Variants in DLGAP2 observed in about 807,000 individuals in gnomAD.
DLGAP2 encodes the protein disks large-associated protein 2.
A neutral mutation model predicts 100.3 loss-of-function variants in DLGAP2; 26 were observed. That is an observed-to-expected ratio of 0.26 (90% CI 0.19 to 0.36). The LOEUF (loss-of-function observed/expected upper bound fraction) is 0.36. Among genes scored for constraint, DLGAP2 ranks in the 10% least tolerant of loss-of-function variants. The pLI, the probability that DLGAP2 is intolerant of heterozygous loss-of-function variation, is 1.00. For missense variants in DLGAP2, 1,858 were observed against 1,453.2 expected (o/e 1.28, Z -4.53); for synonymous variants, 886 against 630.1 (o/e 1.41, Z -6.08).
At chr8:1,130,769 G>A (rs934614941) in intron 2 of DLGAP2, among the ~76,000 whole-genome samples, 1 of 152,216 alleles carries the variant, frequency 6.6e-6, no homozygotes, top group Non-Finnish European at 1.5e-5. Flanking sequence ...ATCTTTGCGG[G>A]AAAATGGAAG....
chr8:1,505,728 A>G lies in DLGAP2; in HGVS notation c.172+4297A>G, dbSNP rs76444130. On this transcript the variant is annotated intron_variant, in intron 4 of 14. Transcript: ENST00000637795. ...TTTCCAGAAGAAATGTTTCTAGGGA[A>G]GACCTTCAGACACACTAGAATTAAA... Among the ~76,000 whole-genome samples, 458 of 152,346 alleles carry G rather than the reference A, an allele frequency of 3.0e-3. 2 individuals carry two copies. Among genetic ancestry groups the G allele is most frequent in the Middle Eastern group, 0.01 (3 of 294 alleles).
At chr8:1,547,732 A>T (rs1016081484) in intron 4 of DLGAP2, among the ~76,000 whole-genome samples, 18 of 152,134 alleles carry the variant, frequency 1.2e-4, no homozygotes, top group African/African-American at 4.3e-4. Flanking sequence ...TCCTCCAGGC[A>T]TTCAGGGAAA....
chr8:1,662,068 G>A (rs994126278), intron 8 of DLGAP2, among the ~76,000 whole-genome samples: 2 of 152,206 alleles, frequency 1.3e-5, no homozygotes, highest in South Asian at 2.1e-4. Flanking sequence ...TGCCGCAAAG[G>A]GTCTTCCGCC....
chr8:996,140 C>G (rs1444172143), intron 2 of DLGAP2, among the ~76,000 whole-genome samples: 1 of 152,216 alleles, frequency 6.6e-6, no homozygotes, highest in African/African-American at 2.4e-5. Context: ...CCACTCCCCT[C>G]TGTTCCTCTC....
intron 2 of DLGAP2, among the ~76,000 whole-genome samples, chr8:954,459 C>T (rs1799551867): frequency 6.6e-6 from 1 of 152,248 alleles, no homozygotes; most frequent in African/African-American, 2.4e-5. Flanking sequence ...TTTGGAAACA[C>T]ATATAAATGT....
At chr8:1,007,959 G>A (rs539354335) in intron 2 of DLGAP2, among the ~76,000 whole-genome samples, 25 of 152,296 alleles carry the variant, frequency 1.6e-4, no homozygotes, top group Non-Finnish European at 2.6e-4. Context: ...GTGACAGGAC[G>A]CCCTCCATAA....
At position 1,707,681 on chromosome 8, in the gene DLGAP2, C is replaced by G. The variant is rs894587770; in HGVS notation, c.*6275C>G. ...CCTTCCATACTACAGACCAAAATACCCAGGTGTGGCCTAAGGACTATATTA... is the reference window on the plus strand; with the variant it reads ...CCTTCCATACTACAGACCAAAATACGCAGGTGTGGCCTAAGGACTATATTA... On this transcript the variant is annotated 3_prime_UTR_variant, in exon 15 of 15. Coordinates refer to ENST00000637795, the MANE Select transcript of DLGAP2 (RefSeq NM_001346810.2). 2 of 152,062 alleles carry G rather than the reference C, an allele frequency of 1.3e-5. No homozygotes were observed. Among genetic ancestry groups the G allele is most frequent in the African/African-American group, 4.8e-5 (2 of 41,386 alleles). 9.4% of individuals were successfully genotyped at this position (152,062 alleles called of 1,614,324 possible).
intron 2 of DLGAP2, among the ~76,000 whole-genome samples, chr8:1,087,549 C>T (rs1804015288): frequency 9.3e-6 from 1 of 107,476 alleles, no homozygotes. Flanking sequence ...CTTTCTCTCT[C>T]TCTCTTTTTT....
intron 2 of DLGAP2, among the ~76,000 whole-genome samples, chr8:1,233,902 A>C (rs1397389494): frequency 6.6e-6 from 1 of 152,196 alleles, no homozygotes; most frequent in Non-Finnish European, 1.5e-5. Context: ...TATGGAGGAT[A>C]ATAATTGTAA....
rs1443486763 is a variant in DLGAP2, at chr8:1,444,972, G to A, written c.107-56394G>A. ...TTTTTAGTAGAGACAGGGTTTCACCGTGTTAGCCAGGATGATCTTGATCTC... is the reference window on the plus strand; with the variant it reads ...TTTTTAGTAGAGACAGGGTTTCACCATGTTAGCCAGGATGATCTTGATCTC... On this transcript the variant is annotated intron_variant, in intron 3 of 14. Coordinates refer to ENST00000637795, the MANE Select transcript of DLGAP2 (RefSeq NM_001346810.2). Among the ~76,000 whole-genome samples the A allele has an allele frequency of 6.6e-5, 10 of 151,170 alleles. No homozygotes were observed. In the South Asian group the frequency reaches 8.4e-4, roughly 13 times the overall value.
chr8:1,258,356 G>T (rs1585200516), intron 2 of DLGAP2, among the ~76,000 whole-genome samples: 1 of 149,840 alleles, frequency 6.7e-6, no homozygotes. Flanking sequence ...AACACCACAT[G>T]ATCTCATTCG....
At chr8:1,693,963 C>G (rs1799316959) in intron 13 of DLGAP2, among the ~76,000 whole-genome samples, 1 of 152,134 alleles carries the variant, frequency 6.6e-6, no homozygotes, top group African/African-American at 2.4e-5. Context: ...ATTATGCAGA[C>G]TCGGGTGAGC....
rs1563158680 is a variant in DLGAP2, at chr8:1,039,528, C to CAGTGTGCGTGGTCAGCTT, written c.73+131562_73+131563insAGTGTGCGTGGTCAGCTT. ...GTCGGCTCGGTGTGCATGTTCAGCTCGGTGTGCGTGGTCAGCTTGGTGTGC... is the reference window on the plus strand; with the variant it reads ...GTCGGCTCGGTGTGCATGTTCAGCTCAGTGTGCGTGGTCAGCTTGGTGTGCGTGGTCAGCTTGGTGTGC... On this transcript the variant is annotated intron_variant, in intron 2 of 14. Transcript: ENST00000637795. 2.7e-4 allele frequency among the ~76,000 whole-genome samples: 32 copies of CAGTGTGCGTGGTCAGCTT among 118,530 alleles called. 3 individuals are homozygous for CAGTGTGCGTGGTCAGCTT. The highest frequency in any genetic ancestry group is 9.6e-4 in the African/African-American group (27 of 28,010). The allele number at this position is 118,530 out of a possible 152,430, so 77.8% of individuals were successfully genotyped here.
chr8:788,034 T>A (rs1821921389), intron 1 of DLGAP2, among the ~76,000 whole-genome samples: 1 of 151,674 alleles, frequency 6.6e-6, no homozygotes, highest in African/African-American at 2.4e-5. Context: ...GCCACAGGGG[T>A]CTGCCCTTGC....
chr8:1,255,006 C>CCCGGG (rs1563043336), intron 2 of DLGAP2, among the ~76,000 whole-genome samples: 22 of 98,264 alleles, frequency 2.2e-4, no homozygotes, highest in African/African-American at 1.0e-3. Context: ...TCTCATCCTG[C>CCCGGG]TTGGGCGCTG....
At chr8:1,366,987 C>A (rs1201496119) in intron 3 of DLGAP2, among the ~76,000 whole-genome samples, 1 of 151,030 alleles carries the variant, frequency 6.6e-6, no homozygotes, top group African/African-American at 2.4e-5. Flanking sequence ...GACCACAGAC[C>A]CCGGTAAATA....
intron 4 of DLGAP2, among the ~76,000 whole-genome samples, chr8:1,524,689 C>T (rs190497389): frequency 2.0e-5 from 3 of 152,290 alleles, no homozygotes; most frequent in Admixed American, 2.0e-4. Flanking sequence ...AAAAAACCTT[C>T]TCATTGCCTT....
chr8:1,310,452 G>T (rs1295366168), intron 3 of DLGAP2, among the ~76,000 whole-genome samples: 1 of 152,178 alleles, frequency 6.6e-6, no homozygotes, highest in East Asian at 1.9e-4. Flanking sequence ...ACTTTCAATA[G>T]TAAGCAGGAC....
intron 2 of DLGAP2, among the ~76,000 whole-genome samples, chr8:1,222,776 G>C (rs986756260): frequency 4.6e-5 from 7 of 152,088 alleles, no homozygotes; most frequent in African/African-American, 1.7e-4. Flanking sequence ...TGTGGCCACT[G>C]ATGAGAGCCT....
Sources: gnomAD v4.1 joint callset for allele counts (sites outside exome capture counted in the v4.1 genomes callset) on GRCh38, gnomAD v4.1.1 for gene constraint, MANE v1.5 for transcripts, NCBI Gene and HGNC (gene_info 2026-07-23, HGNC 2026-07-21) for gene names.